The following KRT9 variants were observed in gnomAD, a reference collection of about 807,000 sequenced individuals.
KRT9 encodes keratin 9, also known as keratin, type I cytoskeletal 9.
KRT9 carries 34 observed loss-of-function variants against 51.4 expected under a neutral mutation model. That is an observed-to-expected ratio of 0.66 (90% CI 0.50 to 0.88). The LOEUF (loss-of-function observed/expected upper bound fraction) is 0.88, where lower values mean the gene tolerates loss of function less well. Ranked by LOEUF, KRT9 falls within the 40% of genes least tolerant of loss-of-function variation. The pLI is 0.00. For synonymous variants in KRT9, 292 were observed against 289.7 expected (o/e 1.01, Z -0.08); for missense variants, 753 against 790.3 (o/e 0.95, Z 0.57).
At position 41,571,892 on chromosome 17, in the gene KRT9, C is replaced by A. The variant is rs146238717; in HGVS notation, c.101G>T (p.Arg34Leu). ...SGGSIRSSYS[R>L]FSSSGGGGGG... ...TCCACCGCCCCCTGAGGAGCTGAAG[C>A]GGCTGTAGGAAGACCTTATGCTGCC... is the stretch of plus-strand genomic sequence containing the variant. Residue 34 changes from arginine (R) to leucine (L), a missense_variant, in exon 1 of 8, where the codon CGC (arginine) becomes CTC (leucine). By Grantham distance (102) the Arg-to-Leu change is moderately radical. This residue lies in a region of KRT9 where 241 missense variants were observed against 210.3 expected (regional missense o/e 1.15). Transcript: ENST00000246662. The A allele has an allele frequency of 7.5e-6, 12 of 1,609,310 alleles. No individual in the cohort carries two copies. In the South Asian group the frequency reaches 1.2e-4, roughly 16 times the overall value.
In KRT9 at chr17:41,570,229, A is replaced by C. The variant is rs1022636978; in HGVS notation, c.643-9T>G. Reference sequence around the variant, plus strand: ...ACTGTCAGGTCCACAATCTGAAAAAAAAAGGACACAGCCATGATATCATGC... The same window carrying C: ...ACTGTCAGGTCCACAATCTGAAAAACAAAGGACACAGCCATGATATCATGC... On this transcript the variant is annotated splice_polypyrimidine_tract_variant and intron_variant, in intron 1 of 7. Coordinates refer to ENST00000246662, the MANE Select transcript of KRT9 (RefSeq NM_000226.4). 1.2e-6 allele frequency: 2 copies of C among 1,612,858 alleles called. No individual in the cohort carries two copies. The highest frequency in any genetic ancestry group is 1.7e-6 in the Non-Finnish European group (2 of 1,178,896).
rs886550309 is a variant in KRT9 at position 41,567,248 on chromosome 17, G to T, written c.*25C>A. 1 of 1,613,570 alleles carries T rather than the reference G, an allele frequency of 6.2e-7. No homozygotes were observed. The highest frequency in any genetic ancestry group is 1.3e-5 in the African/African-American group (1 of 74,844). ...TGTCCCTTACCTTTTGTCTCATCTT[G>T]GTCACCAGATTTTGAGGAAGAAGAC... is the stretch of plus-strand genomic sequence containing the variant. On this transcript the variant is annotated 3_prime_UTR_variant, in exon 7 of 8. Coordinates refer to ENST00000246662, the MANE Select transcript of KRT9 (RefSeq NM_000226.4).
intron 3 of KRT9, 25 bp from the exon 4 acceptor site, chr17:41,569,612 G>A (rs766008443): frequency 3.1e-6 from 5 of 1,612,758 alleles, no homozygotes; most frequent in Non-Finnish European, 8.5e-7. Context: ...GGGGAGATGA[G>A]GTCACGGATA....
Position 41,571,815 on chromosome 17 carries a change from C to T in KRT9, c.178G>A (p.Val60Ile), listed in dbSNP as rs769195603. ...SSGYGGGSSR[V>I]CGRGGGGSFG... ...CTGCCACCGCCTCCCCTCCCACAGACACGAGAGCTTCCCCCACCATAGCCA... is the reference window on the plus strand; with the variant it reads ...CTGCCACCGCCTCCCCTCCCACAGATACGAGAGCTTCCCCCACCATAGCCA... The change falls in exon 1 of 8, where the codon GTC becomes ATC. Residue 60 changes from valine to isoleucine, a missense_variant. Coordinates refer to ENST00000246662, the MANE Select transcript of KRT9 (RefSeq NM_000226.4). 6.2e-7 allele frequency: 1 copy of T among 1,613,456 alleles called. No individual in the cohort carries two copies.
At position 41,570,031 on chromosome 17, in the gene KRT9, G is replaced by A; in HGVS notation, c.726-16C>T. 6.2e-7 allele frequency: 1 copy of A among 1,614,096 alleles called. No individual in the cohort carries two copies. The highest frequency in any genetic ancestry group is 1.3e-5 in the African/African-American group (1 of 75,012). On this transcript the variant is annotated splice_polypyrimidine_tract_variant and intron_variant, in intron 2 of 7. Coordinates refer to ENST00000246662, the MANE Select transcript of KRT9 (RefSeq NM_000226.4). Reference sequence around the variant, plus strand: ...CATCTCAAACCTGCAGACCAGCCAGGGTTAGAAAACAATCAAGAGGGAACC... The same window carrying A: ...CATCTCAAACCTGCAGACCAGCCAGAGTTAGAAAACAATCAAGAGGGAACC...
chr17:41,569,380 A>T, intron 4 of KRT9, 46 bp downstream of exon 4: 1 of 1,585,646 alleles, frequency 6.3e-7, no homozygotes, highest in Non-Finnish European at 8.6e-7. Flanking sequence ...TGGAGATAGG[A>T]ATAGATGGAG....
chr17:41,568,621 C>G lies in KRT9; in HGVS notation c.1057G>C (p.Glu353Gln). 6.2e-7 allele frequency: 1 copy of G among 1,614,126 alleles called. No homozygotes were observed. Among genetic ancestry groups the G allele is most frequent in the Non-Finnish European group, 8.5e-7 (1 of 1,180,032 alleles). The change falls in exon 5 of 8, where the codon GAG becomes CAG. Residue 353 changes from glutamate (E) to glutamine (Q), a missense_variant. This residue lies in a region of KRT9 where 507 missense variants were observed against 563.7 expected (regional missense o/e 0.90). Coordinates refer to ENST00000246662, the MANE Select transcript of KRT9 (RefSeq NM_000226.4). ...NQYETQITQI[E>Q]HEVSSSGQEV... The stretch of plus-strand genomic sequence containing the variant: ...TGACCACTACTGGATACCTCATGCT[C>G]GATCTGGGTTATCTGCAAAACCAAA...
chr17:41,568,504 C>A lies in KRT9; in HGVS notation c.1170+4G>T, dbSNP rs367934044. 18 of 1,614,046 alleles carry A rather than the reference C, an allele frequency of 1.1e-5. No individual in the cohort carries two copies. The African/African-American group carries it at 2.4e-4, about 22-fold the overall frequency. ...GGCAAAGGGTCTATAGCAGAACTAC[C>A]AACCTTGCTGAGCTGAGACTGCAGC... On this transcript the variant is annotated splice_donor_region_variant and intron_variant, in intron 5 of 7. Transcript: ENST00000246662.
At chr17:41,568,911 T>C (rs965523615) in intron 4 of KRT9, among the ~76,000 whole-genome samples, 21 of 133,832 alleles carry the variant, frequency 1.6e-4, no homozygotes, top group East Asian at 4.7e-4. Flanking sequence ...CTTTCAAACA[T>C]ACACACACAC....
intron 7 of KRT9, 52 bp from the exon 8 acceptor site, chr17:41,566,204 G>A (rs987555073): frequency 6.5e-6 from 1 of 153,442 alleles, no homozygotes; most frequent in East Asian, 1.9e-4. Context: ...CTGTAAGCAG[G>A]AGCAGAGAGG....
rs774226261 is a variant in KRT9, at chr17:41,568,492, T to C, written c.1170+16A>G. ...GTGCCCCACCTTGGCAAAGGGTCTA[T>C]AGCAGAACTACCAACCTTGCTGAGC... On this transcript the variant is annotated intron_variant, in intron 5 of 7. Transcript: ENST00000246662. 2.2e-5 allele frequency: 36 copies of C among 1,614,054 alleles called. No homozygotes were observed. The highest frequency in any genetic ancestry group is 2.8e-5 in the Non-Finnish European group (33 of 1,180,036).
chr17:41,566,966 G>C (rs981735653), intron 7 of KRT9, among the ~76,000 whole-genome samples: 1 of 152,120 alleles, frequency 6.6e-6, no homozygotes, highest in Admixed American at 6.5e-5. Flanking sequence ...ACCTCATAGC[G>C]TGTGTCATGA....
chr17:41,569,761 G>C (rs1907011421), intron 3 of KRT9, 98 bp downstream of exon 3: 1 of 1,528,784 alleles, frequency 6.5e-7, no homozygotes, highest in Non-Finnish European at 9.1e-7. Flanking sequence ...AAGAGCAAAG[G>C]AGAGGGTGTC....
intron 4 of KRT9, 147 bp downstream of exon 4, chr17:41,569,279 G>T: frequency 1.2e-6 from 1 of 835,712 alleles, no homozygotes; most frequent in Non-Finnish European, 2.0e-6. Context: ...GAATGAAGAT[G>T]GATGAATGAC....
Position 41,568,443 on chromosome 17 carries a change from A to G in KRT9, c.1171-58T>C, listed in dbSNP as rs188063906. 3 of 1,613,026 alleles carry G rather than the reference A, an allele frequency of 1.9e-6. No homozygotes were observed. In the African/African-American group the frequency reaches 4.0e-5, roughly 22 times the overall value. ...CTACATCATAACTCCTCTTCTTCCC[A>G]CTCCTGGGCTGCAAAGACTTCCTGT... On this transcript the variant is annotated intron_variant, in intron 5 of 7. Transcript: ENST00000246662.
intron 1 of KRT9, 56 bp downstream of exon 1, chr17:41,571,295 G>T: frequency 6.7e-7 from 1 of 1,489,486 alleles, no homozygotes; most frequent in Non-Finnish European, 9.4e-7. Context: ...AACTTTTTTG[G>T]AAGATAAAGA....
chr17:41,569,361 T>C (rs1007293967), intron 4 of KRT9, 65 bp downstream of exon 4: 2 of 1,478,570 alleles, frequency 1.4e-6, no homozygotes, highest in Non-Finnish European at 1.9e-6. Context: ...GAATGGGAGG[T>C]GGGAGGGATG....
chr17:41,568,252 T>G lies in KRT9; in HGVS notation c.1304A>C (p.Gln435Pro), dbSNP rs773179828. ...AATGCTGAGCAGAAGGCTGTATTCC[T>G]GATTCTGGCACTCGATCTCTTGCCG... ...DVRQEIECQNQEYSLLLSIKM... is the reference protein window; with the variant it reads ...DVRQEIECQNPEYSLLLSIKM... The change falls in exon 6 of 8, where the codon CAG becomes CCG. Residue 435 changes from glutamine to proline, a missense_variant. Gln to Pro is a moderately conservative substitution (Grantham distance 76). Transcript: ENST00000246662. The G allele has an allele frequency of 1.2e-6, 2 of 1,614,074 alleles. No individual in the cohort carries two copies.
chr17:41,571,543 A>C lies in KRT9; in HGVS notation c.450T>G (p.Thr150=). 1.9e-6 allele frequency: 3 copies of C among 1,613,820 alleles called. No homozygotes were observed. The highest frequency in any genetic ancestry group is 1.3e-5 in the African/African-American group (1 of 74,894). ...CCTGCATGGTGCTCTTCTCATTAGCAGTCAGAATACCACCATCACCTCCTC... is the reference window on the plus strand; with the variant it reads ...CCTGCATGGTGCTCTTCTCATTAGCCGTCAGAATACCACCATCACCTCCTC... ...GAGGGDGGIL[T]ANEKSTMQEL... Residue 150 remains threonine, a synonymous_variant, in exon 1 of 8, where the codon ACT becomes ACG. Coordinates refer to ENST00000246662, the MANE Select transcript of KRT9 (RefSeq NM_000226.4).
Sources: gnomAD v4.1 joint callset for allele counts (sites outside exome capture counted in the v4.1 genomes callset) on GRCh38, gnomAD v4.1.1 for gene constraint, gnomAD v4.1.1 regional missense constraint, MANE v1.5 for transcripts, NCBI Gene and HGNC (gene_info 2026-07-23, HGNC 2026-07-21) for gene names.